The following DENND3 variants were observed in gnomAD, a reference collection of about 807,000 sequenced individuals.
DENND3 encodes DENN domain containing 3.
In DENND3, 88 loss-of-function variants were observed where a neutral mutation model predicts 135.1. That is an observed-to-expected ratio of 0.65 (90% CI 0.55 to 0.78). The LOEUF (loss-of-function observed/expected upper bound fraction) is 0.78, where lower values mean the gene tolerates loss of function less well. Ranked by LOEUF, DENND3 falls within the 30% of genes least tolerant of loss-of-function variation. DENND3 has a pLI of 0.00. For missense variants in DENND3, 1,392 were observed against 1,688.4 expected, an observed-to-expected ratio of 0.82 and a Z score of 3.08; for synonymous variants, 693 against 712.3, an observed-to-expected ratio of 0.97 and a Z score of 0.43.
chr8:141,193,057 C>G (rs1023311081), intron 22 of DENND3: 1 of 430,386 alleles, frequency 2.3e-6, no homozygotes, highest in Admixed American at 4.0e-5. Flanking sequence ...TTGGCGTGCC[C>G]TGGCTGTGGA....
intron 14 of DENND3, chr8:141,176,308 A>T: frequency 2.4e-5 from 7 of 289,452 alleles, no homozygotes; most frequent in African/African-American, 4.4e-5. Context: ...AAACAAAAAG[A>T]GGGAGAGAGA....
At chr8:141,192,480 G>A in intron 21 of DENND3, 31 bp downstream of exon 21, 12 of 1,613,528 alleles carry the variant, frequency 7.4e-6, no homozygotes, top group Non-Finnish European at 1.0e-5. Context: ...GGCCCAGCAT[G>A]TGCGTGGCCC....
intron 9 of DENND3, among the ~76,000 whole-genome samples, chr8:141,162,330 A>G (rs1308855278): frequency 6.6e-6 from 1 of 152,158 alleles, no homozygotes; most frequent in East Asian, 1.9e-4. Flanking sequence ...GTTGACAGAA[A>G]AGCAGAATAG....
In DENND3 at chr8:141,168,652, C is replaced by T. The variant is rs577899234; in HGVS notation, c.2275+127C>T. On this transcript the variant is annotated intron_variant, in intron 13 of 22. Transcript: ENST00000519811. The surrounding 1 kb of genome is among the most constrained non-coding windows in gnomAD (Gnocchi z 6.2). ...CCTCCACCTCCTGGGCTCAAGCAGT[C>T]CTCCCACCTCAGCCTCCCGAGTAGC... The T allele has an allele frequency of 7.5e-6, 9 of 1,202,480 alleles. No individual in the cohort carries two copies. The South Asian group carries it at 1.1e-4, about 15-fold the overall frequency. 74.5% of individuals were successfully genotyped at this position (1,202,480 alleles called of 1,614,324 possible). A position where few individuals can be genotyped will look rare whatever the true frequency, so the allele number is the denominator to read the frequency against.
rs545045005 is a variant in DENND3 at position 141,192,952 on chromosome 8, A to T, written c.3636+289A>T. ...CAGTTCTCGACGCTGGAGGTCCAAA[A>T]CCAAGGTGTCGGCAGAGCCGCTTCC... On this transcript the variant is annotated intron_variant, in intron 22 of 22. Transcript: ENST00000519811. 9.7e-5 allele frequency: 127 copies of T among 1,303,762 alleles called. No homozygotes were observed. The South Asian group carries it at 1.8e-3, about 19-fold the overall frequency. 80.8% of individuals were successfully genotyped at this position (1,303,762 alleles called of 1,614,324 possible). A position where few individuals can be genotyped will look rare whatever the true frequency, so the allele number is the denominator to read the frequency against.
chr8:141,160,593 C>T (rs767496361), intron 8 of DENND3, 39 bp from the exon 9 acceptor site: 26 of 1,559,640 alleles, frequency 1.7e-5, no homozygotes, highest in Non-Finnish European at 2.2e-5. Flanking sequence ...GTGGCCAGTG[C>T]TGCTGGGGCT....
At chr8:141,132,669 T>C (rs1044687768) in intron 1 of DENND3, among the ~76,000 whole-genome samples, 4 of 152,222 alleles carry the variant, frequency 2.6e-5, no homozygotes, top group South Asian at 2.1e-4. Context: ...TATATTGTTA[T>C]TTTTAAAAAT....
Position 141,167,826 on chromosome 8 carries a change from G to A in DENND3, c.1754-178G>A, listed in dbSNP as rs1357373224. On this transcript the variant is annotated intron_variant, in intron 12 of 22. Coordinates refer to ENST00000519811, the MANE Select transcript of DENND3 (RefSeq NM_001352890.3). The surrounding 1 kb of genome is among the most constrained non-coding windows in gnomAD (Gnocchi z 4.1). ...TTGGGGTACCATGGAAGCAAAGTGAGGGTTCTCTCATGCCTCCCAGGGGGG... is the reference window on the plus strand; with the variant it reads ...TTGGGGTACCATGGAAGCAAAGTGAAGGTTCTCTCATGCCTCCCAGGGGGG... Among the ~76,000 whole-genome samples the A allele has an allele frequency of 6.6e-6, 1 of 152,154 alleles. No individual in the cohort carries two copies. The highest frequency in any genetic ancestry group is 6.5e-5 in the Admixed American group (1 of 15,278).
intron 18 of DENND3, 187 bp downstream of exon 18, chr8:141,185,465 C>T (rs1229812331): frequency 1.5e-6 from 1 of 669,170 alleles, no homozygotes; most frequent in Non-Finnish European, 2.4e-6. Context: ...CAAACTTCTA[C>T]TTACACGTCC....
rs1822629753 is a variant in DENND3 at position 141,178,129 on chromosome 8, A to G, written c.2769A>G (p.Thr923=). 2.5e-6 allele frequency: 4 copies of G among 1,613,166 alleles called. No individual in the cohort carries two copies. In the Admixed American group the frequency reaches 5.0e-5, roughly 20 times the overall value. ...NVLLMDAVVG[T]LQSPGAIYAA... ...TGCTGATGGACGCCGTCGTGGGCACACTGCAGTCACCAGGCGCCATCTACG... is the reference window on the plus strand; with the variant it reads ...TGCTGATGGACGCCGTCGTGGGCACGCTGCAGTCACCAGGCGCCATCTACG... The change falls in exon 16 of 23, where the codon ACA becomes ACG. Residue 923 remains threonine (T), a synonymous_variant. Transcript: ENST00000519811.
chr8:141,192,125 T>G (rs1218120413), intron 20 of DENND3: 1 of 536,524 alleles, frequency 1.9e-6, no homozygotes, highest in Non-Finnish European at 3.2e-6. Context: ...CGTTTTCTGG[T>G]GAGCCTCATT....
At chr8:141,173,990 T>G (rs1821996609) in intron 13 of DENND3, among the ~76,000 whole-genome samples, 1 of 152,170 alleles carries the variant, frequency 6.6e-6, no homozygotes, top group Non-Finnish European at 1.5e-5. Flanking sequence ...GAAGCAGGTG[T>G]GCAGCTCAGC....
intron 18 of DENND3, among the ~76,000 whole-genome samples, chr8:141,185,671 C>T (rs1255253612): frequency 1.3e-5 from 2 of 151,666 alleles, no homozygotes; most frequent in Non-Finnish European, 2.9e-5. Flanking sequence ...ACAAAAACTA[C>T]AAAAATTAGC....
At position 141,167,976 on chromosome 8, in the gene DENND3, G is replaced by A; in HGVS notation, c.1754-28G>A. The A allele has an allele frequency of 1.3e-6, 2 of 1,588,458 alleles. No individual in the cohort carries two copies. Among genetic ancestry groups the A allele is most frequent in the East Asian group, 2.2e-5 (1 of 44,548 alleles). ...GTTCATTTGGAAGGTCTGTGCTAAT[G>A]GTCTCCTTTTCCCCCTGAATGTTTT... On this transcript the variant is annotated intron_variant, in intron 12 of 22. Coordinates refer to ENST00000519811, the MANE Select transcript of DENND3 (RefSeq NM_001352890.3). The surrounding 1 kb of genome is among the most constrained non-coding windows in gnomAD (Gnocchi z 4.1).
rs767113872 is a variant in DENND3 at position 141,138,897 on chromosome 8, C to A, written c.501+760C>A. On this transcript the variant is annotated intron_variant, in intron 3 of 22. Coordinates refer to ENST00000519811, the MANE Select transcript of DENND3 (RefSeq NM_001352890.3). The surrounding 1 kb of genome is among the most constrained non-coding windows in gnomAD (Gnocchi z 4.8). ...ACATTTTATTTCTCCGTGTATCCGT[C>A]GATGGACCTGTGGGTTGTTTCCGCC... Among the ~76,000 whole-genome samples the A allele has an allele frequency of 6.6e-6, 1 of 152,186 alleles. No homozygotes were observed. The highest frequency in any genetic ancestry group is 2.4e-5 in the African/African-American group (1 of 41,432).
intron 5 of DENND3, among the ~76,000 whole-genome samples, chr8:141,149,690 T>C (rs1818556427): frequency 2.0e-5 from 3 of 152,344 alleles, no homozygotes; most frequent in South Asian, 2.1e-4. Context: ...TATGTGCCGG[T>C]TGGGCTTCAG....
In DENND3 at chr8:141,144,869, T is replaced by C. The variant is rs1817863129; in HGVS notation, c.735+610T>C. On this transcript the variant is annotated intron_variant, in intron 5 of 22. Coordinates refer to ENST00000519811, the MANE Select transcript of DENND3 (RefSeq NM_001352890.3). This position sits in a 1 kb window ranked among gnomAD's most constrained non-coding sequence, Gnocchi z 4.4. Reference sequence around the variant, plus strand: ...ATAAGAGCTCCTTAAACAGGTATAATGTAGCTTACTTTCCAACCTGACTCT... The same window carrying C: ...ATAAGAGCTCCTTAAACAGGTATAACGTAGCTTACTTTCCAACCTGACTCT... Among the ~76,000 whole-genome samples the C allele has an allele frequency of 6.6e-6, 1 of 152,218 alleles. No homozygotes were observed. The highest frequency in any genetic ancestry group is 1.5e-5 in the Non-Finnish European group (1 of 68,038).
At chr8:141,188,910 G>A in intron 18 of DENND3, 76 bp from the exon 19 acceptor site, 1 of 1,535,212 alleles carries the variant, frequency 6.5e-7, no homozygotes, top group Non-Finnish European at 8.8e-7. Flanking sequence ...TTCAGCACGT[G>A]CAGTAAATGT....
chr8:141,181,033 C>T (rs537147457), intron 17 of DENND3, among the ~76,000 whole-genome samples, 179 bp downstream of exon 17: 25 of 152,274 alleles, frequency 1.6e-4, no homozygotes, highest in African/African-American at 5.5e-4. Context: ...CTGGCACGAC[C>T]GCTCCACGGA....
Sources: allele counts gnomAD v4.1 joint callset (sites outside exome capture counted in the v4.1 genomes callset), GRCh38; gene constraint gnomAD v4.1.1; non-coding constraint Gnocchi (gnomAD v3.1); transcripts MANE v1.5; gene names NCBI Gene and HGNC (gene_info 2026-07-23, HGNC 2026-07-21).